Variants in HEATR5B observed in about 807,000 individuals in gnomAD.
HEATR5B encodes HEAT repeat-containing protein 5B.
Under a neutral mutation model 224.1 loss-of-function variants are expected in HEATR5B, and 156 were observed. That is an observed-to-expected ratio of 0.70 (90% CI 0.61 to 0.80). HEATR5B has a LOEUF of 0.80. Among genes scored for constraint, HEATR5B ranks in the 30% least tolerant of loss-of-function variants. HEATR5B has a pLI of 0.00. For synonymous variants in HEATR5B, 1,027 were observed against 893.0 expected (o/e 1.15, Z -2.68); for missense variants, 2,323 against 2,535.5 (o/e 0.92, Z 1.80).
rs780436656 is a variant in HEATR5B, at chr2:37,002,537, A to G, written c.5086T>C (p.Leu1696=). The G allele has an allele frequency of 2.4e-5, 38 of 1,614,066 alleles. No individual in the cohort carries two copies. Among genetic ancestry groups the G allele is most frequent in the Non-Finnish European group, 4.2e-6 (5 of 1,180,016 alleles). Residue 1696 remains leucine (L), a synonymous_variant, in exon 32 of 36, where the codon TTG becomes CTG. Coordinates refer to ENST00000233099, the MANE Select transcript of HEATR5B (RefSeq NM_019024.3). ...CCACCGCTGTCACCTCCTTCTCCCA[A>G]TACGGTACAGGCCTCTTTTTCCATA... ...DDMEKEACTV[L]GEGGDSGGLI...
At chr2:37,048,188 GTT>G (rs1392336835) in intron 18 of HEATR5B, among the ~76,000 whole-genome samples, 7 of 139,156 alleles carry the variant, frequency 5.0e-5, no homozygotes, top group Admixed American at 7.3e-5. Context: ...AGGACACATT[GTT>G]TTTTTTTTTT....
chr2:37,002,030 C>T (rs1418747899), intron 32 of HEATR5B, among the ~76,000 whole-genome samples: 1 of 152,188 alleles, frequency 6.6e-6, no homozygotes, highest in Non-Finnish European at 1.5e-5. Context: ...AGTTATTCCA[C>T]TTTATGTCTA....
intron 35 of HEATR5B, 23 bp downstream of exon 35, chr2:36,988,623 G>C: frequency 6.4e-7 from 1 of 1,563,088 alleles, no homozygotes; most frequent in Admixed American, 1.7e-5. Flanking sequence ...TGAACTAGTA[G>C]CTTTTTATAA....
intron 2 of HEATR5B, 139 bp from the exon 3 acceptor site, chr2:37,079,470 T>A (rs1672424824): frequency 1.9e-6 from 1 of 517,378 alleles, no homozygotes; most frequent in Non-Finnish European, 3.4e-6. Flanking sequence ...CCGTGAGAAT[T>A]TTCAAGTTAA....
In HEATR5B at chr2:37,002,558, C is replaced by G; in HGVS notation, c.5065G>C (p.Glu1689Gln). 3 of 1,613,706 alleles carry G rather than the reference C, an allele frequency of 1.9e-6. No homozygotes were observed. The highest frequency in any genetic ancestry group is 1.7e-6 in the Non-Finnish European group (2 of 1,179,766). ...KRNTLNEDDMEKEACTVLGEG... is the reference protein window; with the variant it reads ...KRNTLNEDDMQKEACTVLGEG... ...CCCAATACGGTACAGGCCTCTTTTT[C>G]CATATCATCTTCATCTGAGGTAAAA... is the stretch of plus-strand genomic sequence containing the variant. Residue 1689 changes from glutamate (E) to glutamine (Q), a missense_variant, in exon 32 of 36, where the codon GAA becomes CAA. Glu to Gln is a conservative substitution (Grantham distance 29, BLOSUM62 2). Around this residue, in one of 12 missense-constraint regions of HEATR5B, gnomAD observed 844 missense variants for 812.9 expected, o/e 1.04. Coordinates refer to ENST00000233099, the MANE Select transcript of HEATR5B (RefSeq NM_019024.3).
chr2:37,048,679 G>T lies in HEATR5B; in HGVS notation c.2696+974C>A, dbSNP rs148660416. Among the ~76,000 whole-genome samples the T allele has an allele frequency of 8.5e-4, 129 of 152,226 alleles. 2 individuals carry two copies. The East Asian group carries it at 0.021, about 25-fold the overall frequency. On this transcript the variant is annotated intron_variant, in intron 18 of 35. Coordinates refer to ENST00000233099, the MANE Select transcript of HEATR5B (RefSeq NM_019024.3). ...ATAATCAATGGCAAATATTTGGAAA[G>T]AGGAAAACTAATCTATTGCTAGAAA... is the stretch of plus-strand genomic sequence containing the variant.
chr2:37,022,136 G>A (rs1668502201), intron 24 of HEATR5B, among the ~76,000 whole-genome samples: 1 of 151,642 alleles, frequency 6.6e-6, no homozygotes, highest in Non-Finnish European at 1.5e-5. Context: ...ATCTGCTTCA[G>A]TCACTTTTTG....
At position 37,008,766 on chromosome 2, in the gene HEATR5B, T is replaced by C. The variant is rs1558724547; in HGVS notation, c.4367A>G (p.Asp1456Gly). The C allele has an allele frequency of 1.2e-6, 2 of 1,613,878 alleles. No individual in the cohort carries two copies. The highest frequency in any genetic ancestry group is 1.7e-6 in the Non-Finnish European group (2 of 1,179,848). Residue 1456 changes from aspartate to glycine, a missense_variant, in exon 28 of 36, where the codon GAC becomes GGC. By Grantham distance (94) the Asp-to-Gly change is moderately conservative. Around this residue, in one of 12 missense-constraint regions of HEATR5B, gnomAD observed 844 missense variants for 812.9 expected, o/e 1.04. Transcript: ENST00000233099. ...RAIKNTDDDDDDCGTIDELPP... is the reference protein window; with the variant it reads ...RAIKNTDDDDGDCGTIDELPP... The stretch of plus-strand genomic sequence containing the variant: ...CAGTTCATCGATGGTACCACAGTCG[T>C]CATCATCATCGTCAGTATTTTTAAT...
intron 18 of HEATR5B, among the ~76,000 whole-genome samples, chr2:37,042,631 C>T (rs999503516): frequency 6.6e-6 from 1 of 152,134 alleles, no homozygotes; most frequent in Non-Finnish European, 1.5e-5. Context: ...GTGGCTCATG[C>T]CTGTAATCCC....
rs1249620817 is a variant in HEATR5B at position 37,029,018 on chromosome 2, A to C, written c.3362-98T>G. On this transcript the variant is annotated intron_variant, in intron 22 of 35. Coordinates refer to ENST00000233099, the MANE Select transcript of HEATR5B (RefSeq NM_019024.3). ...ACCAAGTCTTACATATAAATTCACAACAGCCACAAAACCAGCTAGCTATAT... is the reference window on the plus strand; with the variant it reads ...ACCAAGTCTTACATATAAATTCACACCAGCCACAAAACCAGCTAGCTATAT... 1.9e-4 allele frequency: 223 copies of C among 1,200,336 alleles called. 1 individual carries two copies. Among genetic ancestry groups the C allele is most frequent in the East Asian group, 2.4e-5 (1 of 41,260 alleles). The allele number at this position is 1,200,336 out of a possible 1,614,324, so 74.4% of individuals were successfully genotyped here.
intron 33 of HEATR5B, 36 bp downstream of exon 33, chr2:37,000,550 C>A: frequency 6.5e-7 from 1 of 1,541,088 alleles, no homozygotes; most frequent in Non-Finnish European, 9.0e-7. Flanking sequence ...GAACACATAT[C>A]CTAACTAACT....
intron 33 of HEATR5B, among the ~76,000 whole-genome samples, chr2:36,991,681 A>T (rs1477375115): frequency 1.3e-5 from 2 of 152,180 alleles, no homozygotes; most frequent in Non-Finnish European, 2.9e-5. Flanking sequence ...CATATAAAAT[A>T]CGAGTTCCAA....
Position 36,997,629 on chromosome 2 carries a change from C to T in HEATR5B, c.5545+2957G>A, listed in dbSNP as rs535668750. On this transcript the variant is annotated intron_variant, in intron 33 of 35. Transcript: ENST00000233099. ...TAGCCCAGGCTGGAGTGCAGTGGCG[C>T]GATCTCGGCTCACTGCAACCTCTGC... Among the ~76,000 whole-genome samples, 297 of 144,508 alleles carry T rather than the reference C, an allele frequency of 2.1e-3. 1 individual carries two copies. The highest frequency in any genetic ancestry group is 2.4e-3 in the South Asian group (11 of 4,580). 94.8% of individuals were successfully genotyped at this position (144,508 alleles called of 152,430 possible). A position where few individuals can be genotyped will look rare whatever the true frequency, so the allele number is the denominator to read the frequency against.
At chr2:37,000,073 T>C (rs896357168) in intron 33 of HEATR5B, among the ~76,000 whole-genome samples, 2 of 151,734 alleles carry the variant, frequency 1.3e-5, no homozygotes, top group Non-Finnish European at 2.9e-5. Context: ...TATATTTATA[T>C]ATATATTTTT....
Position 37,037,993 on chromosome 2 carries a change from G to A in HEATR5B, c.3078C>T (p.Ser1026=). 6.3e-7 allele frequency: 1 copy of A among 1,575,524 alleles called. No individual in the cohort carries two copies. Among genetic ancestry groups the A allele is most frequent in the African/African-American group, 1.3e-5 (1 of 74,128 alleles). The stretch of plus-strand genomic sequence containing the variant: ...TTATTGCACAACCCACCAAACAAGA[G>A]GAACGAATTGTAGAAGTTGTTGCTC... ...GNGATTSTIR[S]SCLVGCAITQ... The change falls in exon 21 of 36, where the codon TCC becomes TCT. Residue 1026 remains serine, a synonymous_variant. Coordinates refer to ENST00000233099, the MANE Select transcript of HEATR5B (RefSeq NM_019024.3).
chr2:37,002,691 C>A, intron 31 of HEATR5B, 119 bp from the exon 32 acceptor site: 2 of 977,654 alleles, frequency 2.0e-6, no homozygotes, highest in Admixed American at 2.6e-5. Context: ...TAATGTCACA[C>A]GTCCTTCTCT....
chr2:37,033,201 T>G (rs1053144976), intron 21 of HEATR5B, among the ~76,000 whole-genome samples: 4 of 152,150 alleles, frequency 2.6e-5, no homozygotes, highest in African/African-American at 9.7e-5. Context: ...TATTAACATC[T>G]TACTTCTGAA....
At position 37,056,430 on chromosome 2, in the gene HEATR5B, T is replaced by TAG; in HGVS notation, c.2399+9_2399+10insCT. The TAG allele has an allele frequency of 6.3e-7, 1 of 1,577,654 alleles. No homozygotes were observed. The highest frequency in any genetic ancestry group is 1.4e-5 in the African/African-American group (1 of 72,690). On this transcript the variant is annotated intron_variant, in intron 16 of 35. Transcript: ENST00000233099. ...TTTAACAAAAATTACCTGATTGACT[T>TAG]TATACTAACCGGTGTTTATAAGAAA...
intron 21 of HEATR5B, among the ~76,000 whole-genome samples, chr2:37,036,737 C>G (rs1250722509): frequency 6.6e-6 from 1 of 151,930 alleles, no homozygotes; most frequent in East Asian, 1.9e-4. Flanking sequence ...GTCTCGAACT[C>G]CTGACCTCAG....
Sources: gnomAD v4.1 joint callset for allele counts (sites outside exome capture counted in the v4.1 genomes callset) on GRCh38, gnomAD v4.1.1 for gene constraint, gnomAD v4.1.1 regional missense constraint, MANE v1.5 for transcripts, NCBI Gene and HGNC (gene_info 2026-07-23, HGNC 2026-07-21) for gene names.